Variants in CD9 observed in about 807,000 individuals in gnomAD.
CD9 encodes CD9 molecule.
In CD9, 10 loss-of-function variants were observed where a neutral mutation model predicts 31.4. The ratio of observed to expected loss-of-function variants is 0.32; its 90% CI spans 0.20 to 0.54. The LOEUF is 0.54. CD9 is among the 20% of genes least tolerant of loss of function. The pLI is 0.94. For synonymous variants in CD9, 113 were observed against 114.1 expected, an observed-to-expected ratio of 0.99 and a Z score of 0.06; for missense variants, 259 against 300.1, an observed-to-expected ratio of 0.86 and a Z score of 1.01.
At chr12:6,230,697 A>G (rs6489703) in intron 2 of CD9, among the ~76,000 whole-genome samples, 131,434 of 152,116 alleles carry the variant, frequency 0.86, 57,183 homozygotes, top group African/African-American at 0.97. Context: ...TGCTCCATGC[A>G]TGGGGCTGCA....
intron 2 of CD9, among the ~76,000 whole-genome samples, chr12:6,229,898 GTAATCCTAGAGAAGGCTCTGTGATGGA>G (rs1946422017): frequency 6.7e-6 from 1 of 149,420 alleles, no homozygotes; most frequent in Non-Finnish European, 1.5e-5. Context: ...AATTAATACC[GTAATCCTAGAGAAGGCTCTGTGATGGA>G]TAACTTTTTC....
chr12:6,207,819 G>A (rs1176578711), intron 1 of CD9, among the ~76,000 whole-genome samples: 1 of 152,218 alleles, frequency 6.6e-6, no homozygotes, highest in Non-Finnish European at 1.5e-5. Context: ...GGGGACTACT[G>A]ACTTGGAGAA....
Position 6,234,684 on chromosome 12 carries a change from C to T in CD9, c.349-545C>T, listed in dbSNP as rs184119993. On this transcript the variant is annotated intron_variant, in intron 4 of 7. Coordinates refer to ENST00000009180, the MANE Select transcript of CD9 (RefSeq NM_001769.4). ...ATAATACATCCCCTATATTATGATA[C>T]AATAGCTGGCACGTGCTCCAGATTT... is the stretch of plus-strand genomic sequence containing the variant. 3.9e-5 allele frequency among the ~76,000 whole-genome samples: 6 copies of T among 152,346 alleles called. No homozygotes were observed. The East Asian group carries it at 1.2e-3, about 29-fold the overall frequency.
intron 1 of CD9, among the ~76,000 whole-genome samples, chr12:6,206,779 C>G (rs938222537): frequency 2.6e-5 from 4 of 152,206 alleles, no homozygotes; most frequent in African/African-American, 9.7e-5. Context: ...GTGCTATATC[C>G]TGTCATCCTA....
rs1004443072 is a variant in CD9, at chr12:6,237,903, T to G, written c.*75T>G. ...GATTTTTTGTTTGTTTGTTTTGTTT[T>G]GTTTGTTGTTTGTTGTTTGTTTTTT... On this transcript the variant is annotated 3_prime_UTR_variant, in exon 8 of 8. Transcript: ENST00000009180. 1.9e-6 allele frequency: 2 copies of G among 1,057,736 alleles called. No individual in the cohort carries two copies. Among genetic ancestry groups the G allele is most frequent in the Non-Finnish European group, 2.9e-6 (2 of 691,748 alleles). The allele number at this position is 1,057,736 out of a possible 1,614,324, so 65.5% of individuals were successfully genotyped here.
chr12:6,232,829 G>C lies in CD9; in HGVS notation c.273+100G>C, dbSNP rs1946466282. 2.4e-6 allele frequency: 2 copies of C among 819,322 alleles called. No individual in the cohort carries two copies. The highest frequency in any genetic ancestry group is 4.0e-5 in the Admixed American group (2 of 49,712). 50.8% of individuals were successfully genotyped at this position (819,322 alleles called of 1,614,324 possible). ...CCACAGAACAGATGGAGGGGGATGG[G>C]GTCAGGAAGGTACCCAAAGGGCATG... On this transcript the variant is annotated intron_variant, in intron 3 of 7. Coordinates refer to ENST00000009180, the MANE Select transcript of CD9 (RefSeq NM_001769.4). The surrounding 1 kb of genome is among the most constrained non-coding windows in gnomAD (Gnocchi z 4.8).
At position 6,232,828 on chromosome 12, in the gene CD9, G is replaced by C; in HGVS notation, c.273+99G>C. ...ACCACAGAACAGATGGAGGGGGATG[G>C]GGTCAGGAAGGTACCCAAAGGGCAT... On this transcript the variant is annotated intron_variant, in intron 3 of 7. Transcript: ENST00000009180. This position sits in a 1 kb window ranked among gnomAD's most constrained non-coding sequence, Gnocchi z 4.8. 3.7e-6 allele frequency: 3 copies of C among 820,300 alleles called. No homozygotes were observed. Among genetic ancestry groups the C allele is most frequent in the East Asian group, 2.7e-5 (1 of 37,664 alleles). The allele number at this position is 820,300 out of a possible 1,614,324, so 50.8% of individuals were successfully genotyped here.
At chr12:6,220,183 A>G (rs1361510896) in intron 1 of CD9, among the ~76,000 whole-genome samples, 1 of 152,112 alleles carries the variant, frequency 6.6e-6, no homozygotes, top group Non-Finnish European at 1.5e-5. Flanking sequence ...CATGGGAGGA[A>G]TGGGAGGAAA....
At chr12:6,219,296 G>A (rs1411361945) in intron 1 of CD9, among the ~76,000 whole-genome samples, 13 of 152,034 alleles carry the variant, frequency 8.6e-5, no homozygotes, top group Admixed American at 6.5e-4. Context: ...ATGAGCCACC[G>A]CACCCGGCCT....
intron 1 of CD9, among the ~76,000 whole-genome samples, chr12:6,221,767 G>A (rs1405936683): frequency 1.4e-5 from 2 of 146,698 alleles, no homozygotes; most frequent in Non-Finnish European, 3.0e-5. Flanking sequence ...CTTGAGGCCA[G>A]GAATTTAAGA....
Position 6,237,990 on chromosome 12 carries a change from G to T in CD9, c.*162G>T. On this transcript the variant is annotated 3_prime_UTR_variant, in exon 8 of 8. Coordinates refer to ENST00000009180, the MANE Select transcript of CD9 (RefSeq NM_001769.4). ...TAAAAGCTGAAGTTACTTTATGTTT[G>T]TCTTTTAATGCTTCATTCAATATTG... 1.8e-6 allele frequency: 1 copy of T among 550,086 alleles called. No homozygotes were observed. Among genetic ancestry groups the T allele is most frequent in the Non-Finnish European group, 3.3e-6 (1 of 304,402 alleles). 34.1% of individuals were successfully genotyped at this position (550,086 alleles called of 1,614,324 possible). A position where few individuals can be genotyped will look rare whatever the true frequency, so the allele number is the denominator to read the frequency against.
At chr12:6,231,647 G>A (rs1946447973) in intron 2 of CD9, among the ~76,000 whole-genome samples, 2 of 152,224 alleles carry the variant, frequency 1.3e-5, no homozygotes, top group South Asian at 2.1e-4. Context: ...TACTGTTTGT[G>A]TCCCAGGAAT....
At chr12:6,208,366 CA>C (rs1420007759) in intron 1 of CD9, among the ~76,000 whole-genome samples, 1 of 152,218 alleles carries the variant, frequency 6.6e-6, no homozygotes, top group African/African-American at 2.4e-5. Flanking sequence ...TTCACAGCTT[CA>C]GGTGCCAGTC....
chr12:6,224,909 C>G (rs1242353441), intron 1 of CD9: 2 of 152,988 alleles, frequency 1.3e-5, no homozygotes, highest in African/African-American at 4.8e-5. Flanking sequence ...ACGACACCCC[C>G]AGCCACATGG....
chr12:6,233,307 C>T (rs1210969138), intron 3 of CD9, 105 bp from the exon 4 acceptor site: 2 of 802,470 alleles, frequency 2.5e-6, no homozygotes, highest in African/African-American at 1.7e-5. Flanking sequence ...TCACCAGATG[C>T]CTGTTCCCAG....
intron 1 of CD9, among the ~76,000 whole-genome samples, chr12:6,201,499 G>A (rs2136595101): frequency 6.6e-6 from 1 of 152,358 alleles, no homozygotes; most frequent in Admixed American, 6.5e-5. Context: ...ACGTTCATCT[G>A]GAGAGGCCAG....
At chr12:6,225,720 G>A (rs909874428) in intron 2 of CD9, 186 bp downstream of exon 2, 27 of 585,694 alleles carry the variant, frequency 4.6e-5, no homozygotes, top group African/African-American at 1.5e-4. Context: ...GGGAATTTGC[G>A]TTTAACTGAT....
At chr12:6,205,224 G>A (rs1946117897) in intron 1 of CD9, among the ~76,000 whole-genome samples, 1 of 152,244 alleles carries the variant, frequency 6.6e-6, no homozygotes, top group African/African-American at 2.4e-5. Context: ...GCTGAGGCCA[G>A]GTATCTGCTT....
upstream of CD9, chr12:6,200,066 CCT>C (rs1946054569): frequency 6.6e-6 from 1 of 152,276 alleles, no homozygotes; most frequent in African/African-American, 2.4e-5. Flanking sequence ...AAGGGCGAGG[CCT>C]CCACGTAAGT....
Sources: allele counts gnomAD v4.1 joint callset (sites outside exome capture counted in the v4.1 genomes callset), GRCh38; gene constraint gnomAD v4.1.1; non-coding constraint Gnocchi (gnomAD v3.1); transcripts MANE v1.5; gene names NCBI Gene and HGNC (gene_info 2026-07-23, HGNC 2026-07-21).